The following KLRG1 variants were observed in gnomAD, a reference collection of about 807,000 sequenced individuals.
The protein encoded by KLRG1 is killer cell lectin like receptor G1.
Under a neutral mutation model 21.8 loss-of-function variants are expected in KLRG1, and 16 were observed. The observed-to-expected ratio is 0.73, with a 90% CI of 0.50 to 1.11. The LOEUF (loss-of-function observed/expected upper bound fraction) is 1.11, where lower values mean the gene tolerates loss of function less well. Among genes scored for constraint, KLRG1 ranks in the 50% most tolerant of loss-of-function variants. KLRG1 has a pLI of 0.00. For synonymous variants in KLRG1, 69 were observed against 75.9 expected (o/e 0.91, Z 0.47); for missense variants, 173 against 218.3 (o/e 0.79, Z 1.31).
chr12:9,060,789 G>A, the KLRG1 span, among the ~76,000 whole-genome samples: 4 of 152,140 alleles, frequency 2.6e-5, no homozygotes, highest in African/African-American at 9.7e-5. Context: ...GCTGGTATAT[G>A]TCGCTTCTTT....
the KLRG1 span, among the ~76,000 whole-genome samples, chr12:9,022,612 C>T: frequency 6.6e-6 from 1 of 152,080 alleles, no homozygotes; most frequent in South Asian, 2.1e-4. Flanking sequence ...AAGACCAAGG[C>T]ATGATCAGAG....
intron 1 of KLRG1, among the ~76,000 whole-genome samples, chr12:8,965,635 G>A (rs1164251390): frequency 6.6e-6 from 1 of 152,166 alleles, no homozygotes. Context: ...TACAAGGGAT[G>A]TGAAGGACCT....
chr12:8,987,062 A>G (rs186327047), upstream of KLRG1: 1 of 152,262 alleles, frequency 6.6e-6, no homozygotes, highest in East Asian at 1.9e-4. Context: ...TTCTTTATCA[A>G]TTATTTGGCC....
At chr12:9,119,200 T>G in the KLRG1 span, among the ~76,000 whole-genome samples, 1 of 152,274 alleles carries the variant, frequency 6.6e-6, no homozygotes, top group African/African-American at 2.4e-5. Flanking sequence ...TTATAATGTA[T>G]TGATTCATAA....
chr12:9,171,288 AAAAC>A, the KLRG1 span, among the ~76,000 whole-genome samples: 1 of 152,246 alleles, frequency 6.6e-6, no homozygotes, highest in Non-Finnish European at 1.5e-5. Context: ...TGCTAAAAGA[AAAAC>A]AAACAAACAA....
intron 1 of KLRG1, among the ~76,000 whole-genome samples, chr12:8,954,647 C>T (rs192876913): frequency 5.3e-5 from 8 of 152,114 alleles, no homozygotes; most frequent in African/African-American, 1.7e-4. Context: ...GATGTGATTA[C>T]GAGTTGTGTT....
At chr12:9,110,021 A>G in the KLRG1 span, 1 of 1,611,500 alleles carries the variant, frequency 6.2e-7, no homozygotes, top group Non-Finnish European at 8.5e-7. Flanking sequence ...GTGCGATGCG[A>G]TTTCCTTTGG....
chr12:9,013,692 C>T (rs1947662061), downstream of KLRG1, among the ~76,000 whole-genome samples: 1 of 152,074 alleles, frequency 6.6e-6, no homozygotes, highest in African/African-American at 2.4e-5. Context: ...TCTCATGAGA[C>T]TTATTCACTA....
At chr12:8,966,587 C>T (rs986516684) in intron 1 of KLRG1, among the ~76,000 whole-genome samples, 5 of 152,202 alleles carry the variant, frequency 3.3e-5, no homozygotes, top group African/African-American at 1.2e-4. Flanking sequence ...TGAAAAAATG[C>T]TCATCGTCAC....
chr12:9,102,739 C>T, the KLRG1 span, among the ~76,000 whole-genome samples: 1 of 152,092 alleles, frequency 6.6e-6, no homozygotes, highest in Non-Finnish European at 1.5e-5. Context: ...ATATGATCAC[C>T]CCAAACAGGG....
At chr12:8,997,469 A>T (rs1216015490) in intron 3 of KLRG1, among the ~76,000 whole-genome samples, 1 of 152,222 alleles carries the variant, frequency 6.6e-6, no homozygotes, top group Non-Finnish European at 1.5e-5. Context: ...CTAGTATCAT[A>T]CTGGGGTCTG....
At chr12:8,969,169 T>A (rs1469466421) in intron 1 of KLRG1, among the ~76,000 whole-genome samples, 3 of 152,180 alleles carry the variant, frequency 2.0e-5, no homozygotes, top group African/African-American at 7.2e-5. Flanking sequence ...GGCAAAACCG[T>A]GTCTGGCTCC....
chr12:8,994,321 C>T (rs185696004), intron 2 of KLRG1, among the ~76,000 whole-genome samples: 1 of 152,294 alleles, frequency 6.6e-6, no homozygotes, highest in African/African-American at 2.4e-5. Context: ...CTGCCTCGGC[C>T]TCCCAAAGTG....
chr12:9,154,611 C>G, the KLRG1 span: 1 of 1,613,704 alleles, frequency 6.2e-7, no homozygotes, highest in South Asian at 1.1e-5. Flanking sequence ...TTGGGAACCA[C>G]TGACCTGGGT....
the KLRG1 span, chr12:9,154,815 G>A: frequency 3.7e-6 from 6 of 1,614,148 alleles, no homozygotes; most frequent in Admixed American, 1.0e-4. Context: ...GGGTCTCTGA[G>A]GGCGCTCCCA....
chr12:9,107,730 G>A, the KLRG1 span: 1 of 1,495,286 alleles, frequency 6.7e-7, no homozygotes, highest in African/African-American at 1.4e-5. Context: ...TTTAGCTACA[G>A]TATATTCCCT....
chr12:9,210,923 C>A, the KLRG1 span, among the ~76,000 whole-genome samples: 1 of 152,106 alleles, frequency 6.6e-6, no homozygotes, highest in Non-Finnish European at 1.5e-5. Flanking sequence ...TCTCTATTGT[C>A]CTGCCATGAG....
At chr12:9,145,603 C>A in the KLRG1 span, among the ~76,000 whole-genome samples, 1 of 152,076 alleles carries the variant, frequency 6.6e-6, no homozygotes, top group Non-Finnish European at 1.5e-5. Flanking sequence ...AATACAGTAT[C>A]ATGTGTTTTT....
chr12:9,152,415 C>A, the KLRG1 span: 1 of 825,810 alleles, frequency 1.2e-6, no homozygotes, highest in Non-Finnish European at 2.0e-6. Context: ...AGAAGTTGTC[C>A]CTAATATTCT....
Sources: allele counts gnomAD v4.1 joint callset (sites outside exome capture counted in the v4.1 genomes callset), GRCh38; gene constraint gnomAD v4.1.1; transcripts MANE v1.5; gene names NCBI Gene and HGNC (gene_info 2026-07-23, HGNC 2026-07-21).